The following RAB6B variants were observed in gnomAD, a reference collection of about 807,000 sequenced individuals.
RAB6B encodes the protein ras-related protein Rab-6B.
Under a neutral mutation model 31.2 loss-of-function variants are expected in RAB6B, and 7 were observed. The observed-to-expected ratio is 0.22, with a 90% CI of 0.13 to 0.42. RAB6B has a LOEUF of 0.42. RAB6B is among the 10% of genes least tolerant of loss of function. The pLI is 1.00. For synonymous variants in RAB6B, 105 were observed against 104.9 expected (o/e 1.00, Z -0.01); for missense variants, 149 against 280.6 (o/e 0.53, Z 3.35).
At chr3:133,887,198 C>T (rs1936561131) in intron 1 of RAB6B, among the ~76,000 whole-genome samples, 1 of 152,184 alleles carries the variant, frequency 6.6e-6, no homozygotes, top group Non-Finnish European at 1.5e-5. Context: ...CCTGCCCTGT[C>T]GTCCTAATCA....
At chr3:133,885,401 T>G (rs1017640244) in intron 1 of RAB6B, 1 of 684,608 alleles carries the variant, frequency 1.5e-6, no homozygotes, top group Non-Finnish European at 2.7e-6. Flanking sequence ...GAGGATGGGC[T>G]GCTCACACAC....
At chr3:133,891,715 A>G (rs1936640021) in intron 1 of RAB6B, among the ~76,000 whole-genome samples, 2 of 152,150 alleles carry the variant, frequency 1.3e-5, no homozygotes, top group African/African-American at 4.8e-5. Context: ...TGACTAAACA[A>G]CTGAGCAACA....
At chr3:133,879,649 G>C (rs1001165105) in intron 1 of RAB6B, among the ~76,000 whole-genome samples, 1 of 152,208 alleles carries the variant, frequency 6.6e-6, no homozygotes, top group Non-Finnish European at 1.5e-5. Context: ...ACAGTCAAGG[G>C]CAATACCTTC....
chr3:133,884,466 AG>A (rs999939843), intron 1 of RAB6B, among the ~76,000 whole-genome samples: 3 of 152,218 alleles, frequency 2.0e-5, no homozygotes, highest in African/African-American at 7.2e-5. Flanking sequence ...AGGCATGGAA[AG>A]GGGCACTCCC....
chr3:133,875,468 T>C (rs933920226), intron 1 of RAB6B, among the ~76,000 whole-genome samples: 9 of 152,216 alleles, frequency 5.9e-5, no homozygotes, highest in Middle Eastern at 3.2e-3. Context: ...TTTGCAGTTA[T>C]AAGAGAAGTT....
At chr3:133,890,800 G>A (rs569555918) in intron 1 of RAB6B, among the ~76,000 whole-genome samples, 2 of 152,288 alleles carry the variant, frequency 1.3e-5, no homozygotes, top group African/African-American at 4.8e-5. Flanking sequence ...CTCAGAAGAT[G>A]CTTAAAATTC....
intron 1 of RAB6B, among the ~76,000 whole-genome samples, chr3:133,889,110 C>A (rs2108016487): frequency 6.6e-6 from 1 of 152,250 alleles, no homozygotes; most frequent in African/African-American, 2.4e-5. Flanking sequence ...CTTCTGTCAC[C>A]TTCCCCAGTG....
intron 1 of RAB6B, among the ~76,000 whole-genome samples, chr3:133,875,288 A>ATGTG (rs1936378650): frequency 2.0e-5 from 3 of 148,582 alleles, no homozygotes; most frequent in African/African-American, 7.6e-5. Flanking sequence ...GTGTGTGTGC[A>ATGTG]TGTGTTAAGA....
intron 7 of RAB6B, 57 bp from the exon 8 acceptor site, chr3:133,828,909 A>G: frequency 1.4e-6 from 2 of 1,469,344 alleles, no homozygotes; most frequent in Non-Finnish European, 1.9e-6. Flanking sequence ...CACCCCACTT[A>G]GCCCTGTGCA....
chr3:133,868,348 C>T (rs573675030), intron 1 of RAB6B, among the ~76,000 whole-genome samples: 1 of 152,356 alleles, frequency 6.6e-6, no homozygotes, highest in African/African-American at 2.4e-5. Flanking sequence ...CACTCCCACT[C>T]AGCCTCAGAG....
At chr3:133,874,804 T>G (rs1936368900) in intron 1 of RAB6B, among the ~76,000 whole-genome samples, 1 of 152,162 alleles carries the variant, frequency 6.6e-6, no homozygotes, top group Admixed American at 6.5e-5. Context: ...CTATTAATTT[T>G]TTTTTTTTTA....
At position 133,824,952 on chromosome 3, in the gene RAB6B, C is replaced by T. The variant is rs1935534104; in HGVS notation, c.*3836G>A. The T allele has an allele frequency of 6.6e-6, 1 of 152,172 alleles. No homozygotes were observed. The highest frequency in any genetic ancestry group is 1.5e-5 in the Non-Finnish European group (1 of 68,028). 9.4% of individuals were successfully genotyped at this position (152,172 alleles called of 1,614,324 possible). A position where few individuals can be genotyped will look rare whatever the true frequency, so the allele number is the denominator to read the frequency against. On this transcript the variant is annotated 3_prime_UTR_variant, in exon 8 of 8. Transcript: ENST00000285208. ...TGATCTTAATAAGCAAGTTGCCCTTCTCCATCCTGGTTTTCCTGCCTGTAG... is the reference window on the plus strand; with the variant it reads ...TGATCTTAATAAGCAAGTTGCCCTTTTCCATCCTGGTTTTCCTGCCTGTAG...
At chr3:133,832,824 G>A (rs181871989) in intron 7 of RAB6B, among the ~76,000 whole-genome samples, 1 of 152,318 alleles carries the variant, frequency 6.6e-6, no homozygotes, top group Non-Finnish European at 1.5e-5. Flanking sequence ...AACCTGCCAT[G>A]TATCCTTTCT....
chr3:133,874,301 G>A (rs56763689), intron 1 of RAB6B, among the ~76,000 whole-genome samples: 23,703 of 152,186 alleles, frequency 0.16, 2,208 homozygotes, highest in East Asian at 0.33. Context: ...CATAAAGTAT[G>A]CTTCCCAAAC....
At chr3:133,835,176 G>A (rs1314469978) in intron 6 of RAB6B, among the ~76,000 whole-genome samples, 1 of 152,214 alleles carries the variant, frequency 6.6e-6, no homozygotes, top group Non-Finnish European at 1.5e-5. Context: ...ATGCAGGAGT[G>A]TGAACACAAT....
Position 133,841,386 on chromosome 3 carries a change from C to A in RAB6B, c.188G>T (p.Arg63Leu). 6.2e-7 allele frequency: 1 copy of A among 1,614,038 alleles called. No homozygotes were observed. Among genetic ancestry groups the A allele is most frequent in the South Asian group, 1.1e-5 (1 of 91,054 alleles). Residue 63 changes from arginine (R) to leucine (L), a missense_variant, in exon 4 of 8, where the codon CGA becomes CTA. By Grantham distance (102) the Arg-to-Leu change is moderately radical. This residue lies in a region of RAB6B where 75 missense variants were observed against 180.1 expected (regional missense o/e 0.42). Coordinates refer to ENST00000285208, the MANE Select transcript of RAB6B (RefSeq NM_016577.4). ...ACCAGCTGTGTCCCAGAGCTGCAGTCGCACCTGTCTCAGGGAGGGCAGGAC... is the reference window on the plus strand; with the variant it reads ...ACCAGCTGTGTCCCAGAGCTGCAGTAGCACCTGTCTCAGGGAGGGCAGGAC... Reference protein sequence around the residue: ...KTMYLEDRTVRLQLWDTAGQE... With the variant: ...KTMYLEDRTVLLQLWDTAGQE...
chr3:133,858,906 C>T (rs994595480), intron 2 of RAB6B, among the ~76,000 whole-genome samples: 3 of 152,118 alleles, frequency 2.0e-5, no homozygotes, highest in Non-Finnish European at 2.9e-5. Context: ...GGAATTTAAC[C>T]CCTGTATCAT....
chr3:133,849,971 G>T (rs1464680817), intron 2 of RAB6B, among the ~76,000 whole-genome samples: 1 of 152,162 alleles, frequency 6.6e-6, no homozygotes, highest in African/African-American at 2.4e-5. Context: ...TACTGGTTGA[G>T]AAATTAGAGA....
intron 1 of RAB6B, among the ~76,000 whole-genome samples, chr3:133,872,257 C>T (rs1936336255): frequency 6.6e-6 from 1 of 152,252 alleles, no homozygotes; most frequent in South Asian, 2.1e-4. Context: ...ATCCCATCAG[C>T]TCAGTTTCTA....
Sources: gnomAD v4.1 joint callset for allele counts (sites outside exome capture counted in the v4.1 genomes callset) on GRCh38, gnomAD v4.1.1 for gene constraint, gnomAD v4.1.1 regional missense constraint, MANE v1.5 for transcripts, NCBI Gene and HGNC (gene_info 2026-07-23, HGNC 2026-07-21) for gene names.